Variants in MBP observed in about 807,000 individuals in gnomAD.
MBP encodes myelin basic protein.
Under a neutral mutation model 35.8 loss-of-function variants are expected in MBP, and 16 were observed. That is an observed-to-expected ratio of 0.45 (90% CI 0.30 to 0.68). The LOEUF (loss-of-function observed/expected upper bound fraction) is 0.68. Ranked by LOEUF, MBP falls within the 30% of genes least tolerant of loss-of-function variation. The pLI, the probability that MBP is intolerant of heterozygous loss-of-function variation, is 0.08. For missense variants in MBP, 380 were observed against 404.7 expected (o/e 0.94, Z 0.52); for synonymous variants, 143 against 159.6 (o/e 0.90, Z 0.78).
chr18:76,991,219 G>A (rs1204919404), intron 4 of MBP, among the ~76,000 whole-genome samples: 2 of 152,152 alleles, frequency 1.3e-5, no homozygotes, highest in Non-Finnish European at 2.9e-5. Flanking sequence ...TCGAGTAAGA[G>A]GAAGCGGAGA....
chr18:77,105,457 T>C (rs1196559565), intron 1 of MBP, among the ~76,000 whole-genome samples, 171 bp from the exon 2 acceptor site: 2 of 152,224 alleles, frequency 1.3e-5, no homozygotes, highest in Non-Finnish European at 2.9e-5. Flanking sequence ...TATTAACACA[T>C]GCTATCTTTC....
intron 3 of MBP, among the ~76,000 whole-genome samples, chr18:77,035,066 T>C (rs1972703994): frequency 6.6e-6 from 1 of 152,226 alleles, no homozygotes; most frequent in African/African-American, 2.4e-5. Flanking sequence ...TTACCTTCCA[T>C]GGAAGCACAG....
chr18:77,074,398 T>A (rs1237213620), intron 2 of MBP, among the ~76,000 whole-genome samples: 3 of 151,686 alleles, frequency 2.0e-5, no homozygotes, highest in Non-Finnish European at 2.9e-5. Flanking sequence ...ATTTCTAAGT[T>A]AACTTCTCCA....
chr18:77,093,981 CTTT>C (rs58936481), intron 2 of MBP, among the ~76,000 whole-genome samples: 1 of 144,922 alleles, frequency 6.9e-6, no homozygotes, highest in Non-Finnish European at 1.5e-5. Context: ...TTTTTTTCTT[CTTT>C]TTTTTTTTTT....
chr18:77,130,123 A>C (rs1400863577), intron 1 of MBP, among the ~76,000 whole-genome samples: 1 of 152,168 alleles, frequency 6.6e-6, no homozygotes, highest in East Asian at 1.9e-4. Context: ...AAGAAAGCTA[A>C]GGAGAAGATG....
chr18:77,018,865 T>TATCC (rs200121847), intron 3 of MBP, among the ~76,000 whole-genome samples: 4,577 of 125,144 alleles, frequency 0.037, 87 homozygotes, highest in Middle Eastern at 0.082. Context: ...CTCATCCATC[T>TATCC]ATCCATCCAT....
intron 3 of MBP, among the ~76,000 whole-genome samples, chr18:77,028,006 T>TTTATTTATTTATTTA (rs1234045855): frequency 3.8e-5 from 2 of 52,032 alleles, no homozygotes; most frequent in East Asian, 7.3e-4. Flanking sequence ...TTATTTATTT[T>TTTATTTATTTATTTA]TTTATTGATC....
chr18:77,019,560 A>G (rs72973181), intron 3 of MBP, among the ~76,000 whole-genome samples: 8,369 of 152,264 alleles, frequency 0.055, 346 homozygotes, highest in South Asian at 0.092. Flanking sequence ...AGACATCTCA[A>G]CTTGAGCTTT....
At chr18:77,123,377 T>G (rs1178758379) in intron 1 of MBP, among the ~76,000 whole-genome samples, 1 of 152,208 alleles carries the variant, frequency 6.6e-6, no homozygotes, top group African/African-American at 2.4e-5. Flanking sequence ...CAAAAAGCTT[T>G]AGTATCAATT....
chr18:77,019,567 C>T (rs572542614), intron 3 of MBP, among the ~76,000 whole-genome samples: 1 of 152,342 alleles, frequency 6.6e-6, no homozygotes, highest in East Asian at 1.9e-4. Flanking sequence ...TCAACTTGAG[C>T]TTTCTGGCCT....
rs1246198210 is a variant in MBP, at chr18:77,020,620, G to A, written c.140-3352C>T. Among the ~76,000 whole-genome samples the A allele has an allele frequency of 3.9e-5, 6 of 152,216 alleles. No individual in the cohort carries two copies. The highest frequency in any genetic ancestry group is 3.9e-4 in the East Asian group (2 of 5,194). ...GACATGCTGTCTGTTAGGGAGGCTC[G>A]TTAGAGACCCTTCCCAGGGCTTTAC... On this transcript the variant is annotated intron_variant, in intron 3 of 8. Coordinates refer to ENST00000355994, the MANE Select transcript of MBP (RefSeq NM_001025101.2). This position sits in a 1 kb window ranked among gnomAD's most constrained non-coding sequence, Gnocchi z 4.1.
intron 4 of MBP, 95 bp from the exon 5 acceptor site, chr18:76,990,155 G>A: frequency 2.8e-6 from 2 of 720,470 alleles, no homozygotes; most frequent in Non-Finnish European, 4.4e-6. Flanking sequence ...TTTGTAATCT[G>A]GATTTTTTTT....
intron 2 of MBP, among the ~76,000 whole-genome samples, chr18:77,091,786 CAT>C (rs1375718406): frequency 6.6e-6 from 1 of 151,996 alleles, no homozygotes; most frequent in Non-Finnish European, 1.5e-5. Context: ...ACCACACACA[CAT>C]CCTCATACAT....
chr18:77,014,956 T>C, intron 4 of MBP: 2 of 984,688 alleles, frequency 2.0e-6, no homozygotes, highest in Non-Finnish European at 1.2e-6. Flanking sequence ...TTGAAAGTGT[T>C]TTGATTTTTA....
At chr18:77,118,552 G>A (rs1275190117) in intron 1 of MBP, among the ~76,000 whole-genome samples, 2 of 151,552 alleles carry the variant, frequency 1.3e-5, no homozygotes, top group East Asian at 1.9e-4. Context: ...GAGACAGTGC[G>A]GAAAGCTGGA....
intron 4 of MBP, among the ~76,000 whole-genome samples, chr18:76,998,469 T>C (rs1175910701): frequency 6.6e-6 from 1 of 152,166 alleles, no homozygotes; most frequent in Non-Finnish European, 1.5e-5. Context: ...TCAGTCACCT[T>C]TGAAGTGACC....
At chr18:77,010,184 A>G in intron 4 of MBP, 1 of 527,034 alleles carries the variant, frequency 1.9e-6, no homozygotes, top group South Asian at 2.3e-5. Flanking sequence ...AATCGAGAGC[A>G]AAAGGAAAGT....
intron 4 of MBP, among the ~76,000 whole-genome samples, chr18:76,999,835 C>T (rs1349210540): frequency 6.6e-6 from 1 of 152,140 alleles, no homozygotes; most frequent in Non-Finnish European, 1.5e-5. Flanking sequence ...TAAAAAAAGC[C>T]AAAACTGTGA....
At chr18:77,119,306 C>G (rs562645099) in intron 1 of MBP, among the ~76,000 whole-genome samples, 1 of 152,152 alleles carries the variant, frequency 6.6e-6, no homozygotes, top group Non-Finnish European at 1.5e-5. Context: ...CCCATCCCCA[C>G]GTGTACTCCA....
Sources: allele counts gnomAD v4.1 joint callset (sites outside exome capture counted in the v4.1 genomes callset), GRCh38; gene constraint gnomAD v4.1.1; non-coding constraint Gnocchi (gnomAD v3.1); transcripts MANE v1.5; gene names NCBI Gene and HGNC (gene_info 2026-07-23, HGNC 2026-07-21).